The following POU6F2 variants were observed in gnomAD, a reference collection of about 807,000 sequenced individuals.
The protein encoded by POU6F2 is POU domain, class 6, transcription factor 2.
POU6F2 carries 31 observed loss-of-function variants against 71.3 expected under a neutral mutation model. The observed-to-expected ratio is 0.43, with a 90% CI of 0.33 to 0.59. The LOEUF is 0.59. Among genes scored for constraint, POU6F2 ranks in the 20% least tolerant of loss-of-function variants. The pLI is 0.04. For missense variants in POU6F2, 783 were observed against 856.8 expected (o/e 0.91, Z 1.07); for synonymous variants, 347 against 355.7 (o/e 0.98, Z 0.27).
intron 2 of POU6F2, among the ~76,000 whole-genome samples, chr7:39,158,299 G>A (rs891553109): frequency 7.9e-5 from 12 of 152,194 alleles, no homozygotes; most frequent in African/African-American, 2.7e-4. Context: ...TGAGGATACA[G>A]TGTTGAATCG....
intron 1 of POU6F2, among the ~76,000 whole-genome samples, chr7:39,048,894 A>G (rs1449688716): frequency 6.6e-6 from 1 of 151,966 alleles, no homozygotes; most frequent in Non-Finnish European, 1.5e-5. Context: ...ATGGTATCTC[A>G]TATCTATACA....
intron 2 of POU6F2, chr7:39,120,785 C>T (rs1792025461): frequency 6.6e-6 from 1 of 152,136 alleles, no homozygotes; most frequent in Non-Finnish European, 1.5e-5. Context: ...CTGCACAATT[C>T]AATATTGCTT....
intron 4 of POU6F2, among the ~76,000 whole-genome samples, chr7:39,268,436 G>A (rs1050283376): frequency 4.6e-5 from 7 of 152,086 alleles, no homozygotes; most frequent in Non-Finnish European, 7.3e-5. Context: ...GTACTGAGGC[G>A]GAAGGTGCTT....
chr7:39,101,534 C>T (rs895080913), intron 2 of POU6F2, among the ~76,000 whole-genome samples: 7 of 150,356 alleles, frequency 4.7e-5, no homozygotes, highest in East Asian at 1.9e-4. Flanking sequence ...GAAATTTTTA[C>T]GGTCTTTGAC....
At chr7:39,270,379 G>T (rs1186463879) in intron 4 of POU6F2, among the ~76,000 whole-genome samples, 1 of 152,174 alleles carries the variant, frequency 6.6e-6, no homozygotes, top group Admixed American at 6.5e-5. Context: ...GCACAGAGAG[G>T]TTAAAGGATT....
At chr7:39,142,645 T>C (rs1017506381) in intron 2 of POU6F2, among the ~76,000 whole-genome samples, 1 of 152,252 alleles carries the variant, frequency 6.6e-6, no homozygotes, top group African/African-American at 2.4e-5. Flanking sequence ...TGTTGAATTG[T>C]AAATTCTCTT....
chr7:39,173,985 C>G (rs1562733622), intron 2 of POU6F2, among the ~76,000 whole-genome samples: 2 of 152,184 alleles, frequency 1.3e-5, no homozygotes, highest in African/African-American at 4.8e-5. Flanking sequence ...ACAGAAATAA[C>G]TGAAAAGAGA....
chr7:39,040,374 G>A (rs1790168926), intron 1 of POU6F2, among the ~76,000 whole-genome samples: 1 of 150,808 alleles, frequency 6.6e-6, no homozygotes, highest in Non-Finnish European at 1.5e-5. Flanking sequence ...TTAATATAAT[G>A]TAGTTATCCT....
intron 4 of POU6F2, among the ~76,000 whole-genome samples, chr7:39,257,581 C>T (rs935147540): frequency 2.6e-5 from 4 of 152,082 alleles, no homozygotes; most frequent in Non-Finnish European, 5.9e-5. Flanking sequence ...GGCACAAACT[C>T]GTGCTCCATA....
chr7:39,440,536 G>C (rs1241763312), intron 7 of POU6F2, among the ~76,000 whole-genome samples: 1 of 152,112 alleles, frequency 6.6e-6, no homozygotes, highest in Non-Finnish European at 1.5e-5. Flanking sequence ...AGTTCCATCT[G>C]GTCATTTATG....
intron 4 of POU6F2, among the ~76,000 whole-genome samples, chr7:39,280,468 A>G (rs1178944414): frequency 2.0e-5 from 3 of 152,254 alleles, no homozygotes; most frequent in Admixed American, 1.3e-4. Flanking sequence ...AAGTTCCAAG[A>G]TTAAAGATTC....
At chr7:38,982,523 T>C (rs1022046762) in intron 1 of POU6F2, among the ~76,000 whole-genome samples, 13 of 152,124 alleles carry the variant, frequency 8.5e-5, no homozygotes, top group Non-Finnish European at 4.4e-5. Context: ...AGGAAAGTCT[T>C]ATGTTAACAT....
chr7:39,133,381 T>A (rs1792328175), intron 2 of POU6F2, among the ~76,000 whole-genome samples: 1 of 152,242 alleles, frequency 6.6e-6, no homozygotes, highest in South Asian at 2.1e-4. Flanking sequence ...TCTAAAGTGC[T>A]GTGTAAAAGA....
intron 4 of POU6F2, among the ~76,000 whole-genome samples, chr7:39,250,939 G>A (rs1783904720): frequency 6.6e-6 from 1 of 152,100 alleles, no homozygotes; most frequent in East Asian, 1.9e-4. Flanking sequence ...TTTTTGCTTT[G>A]CGTCTCCATT....
At chr7:39,183,337 G>A (rs866783695) in intron 2 of POU6F2, among the ~76,000 whole-genome samples, 1 of 152,152 alleles carries the variant, frequency 6.6e-6, no homozygotes, top group Non-Finnish European at 1.5e-5. Flanking sequence ...TTGACTCACA[G>A]TTCCACAGAC....
intron 2 of POU6F2, among the ~76,000 whole-genome samples, chr7:39,177,797 T>C (rs1250885168): frequency 6.6e-6 from 1 of 152,376 alleles, no homozygotes; most frequent in East Asian, 1.9e-4. Context: ...CATTTTAATA[T>C]GAGAAGTTAT....
chr7:39,044,588 A>G (rs777423584), intron 1 of POU6F2, among the ~76,000 whole-genome samples: 3 of 152,116 alleles, frequency 2.0e-5, no homozygotes, highest in South Asian at 2.1e-4. Context: ...CACCTTCGTC[A>G]TGAAATAATA....
At chr7:39,148,051 C>T (rs537689825) in intron 2 of POU6F2, among the ~76,000 whole-genome samples, 62 of 152,352 alleles carry the variant, frequency 4.1e-4, no homozygotes, top group African/African-American at 1.4e-3. Context: ...TTTCACCATA[C>T]ATGAATATGG....
At chr7:39,172,932 C>T (rs190190185) in intron 2 of POU6F2, among the ~76,000 whole-genome samples, 2 of 150,918 alleles carry the variant, frequency 1.3e-5, no homozygotes, top group East Asian at 3.9e-4. Flanking sequence ...CTCCAGGTCC[C>T]TTTTTTTTTA....
Sources: gnomAD v4.1 joint callset for allele counts (sites outside exome capture counted in the v4.1 genomes callset) on GRCh38, gnomAD v4.1.1 for gene constraint, MANE v1.5 for transcripts, NCBI Gene and HGNC (gene_info 2026-07-23, HGNC 2026-07-21) for gene names.